LTBP1: variants seen among roughly 807,000 people sequenced by gnomAD.
The protein encoded by LTBP1 is latent transforming growth factor beta binding protein 1.
In LTBP1, 129 loss-of-function variants were observed where a neutral mutation model predicts 207.6. The ratio of observed to expected loss-of-function variants is 0.62; its 90% CI spans 0.54 to 0.72. The LOEUF (loss-of-function observed/expected upper bound fraction) is 0.72. Ranked by LOEUF, LTBP1 falls within the 30% of genes least tolerant of loss-of-function variation. The pLI is 0.00. For missense variants in LTBP1, 2,281 were observed against 2,217.2 expected, an observed-to-expected ratio of 1.03 and a Z score of -0.58; for synonymous variants, 963 against 833.7, an observed-to-expected ratio of 1.16 and a Z score of -2.67.
chr2:33,122,956 C>T (rs1441193574), intron 4 of LTBP1, among the ~76,000 whole-genome samples: 1 of 152,218 alleles, frequency 6.6e-6, no homozygotes, highest in Non-Finnish European at 1.5e-5. Flanking sequence ...TCTATTTCTA[C>T]TCTGCTCTCT....
intron 5 of LTBP1, among the ~76,000 whole-genome samples, chr2:33,144,568 A>T (rs1481835059): frequency 6.6e-6 from 1 of 152,184 alleles, no homozygotes; most frequent in Non-Finnish European, 1.5e-5. Context: ...ATCTCCAGTG[A>T]TGTATGATTA....
intron 2 of LTBP1, among the ~76,000 whole-genome samples, chr2:32,980,682 C>G (rs1424133863): frequency 6.6e-6 from 1 of 152,050 alleles, no homozygotes; most frequent in Non-Finnish European, 1.5e-5. Context: ...AGTTTTGTAC[C>G]TTCAGATGAT....
At chr2:33,112,917 T>C (rs1286531384) in intron 4 of LTBP1, among the ~76,000 whole-genome samples, 5 of 152,222 alleles carry the variant, frequency 3.3e-5, no homozygotes, top group African/African-American at 1.2e-4. Context: ...TTCATTTTTA[T>C]ATTTACAGAA....
At chr2:33,156,725 ATAT>A (rs1312249649) in intron 5 of LTBP1, among the ~76,000 whole-genome samples, 2 of 152,120 alleles carry the variant, frequency 1.3e-5, no homozygotes, top group African/African-American at 2.4e-5. Flanking sequence ...ATATTTTAAC[ATAT>A]TATAAAATAG....
At chr2:33,277,813 T>TTTCTTTCTC (rs2093472726) in intron 18 of LTBP1, among the ~76,000 whole-genome samples, 7 of 71,780 alleles carry the variant, frequency 9.8e-5, no homozygotes, top group South Asian at 4.1e-4. Flanking sequence ...CTCTTTCTTT[T>TTTCTTTCTC]TTTCTTTCTT....
At chr2:33,226,179 G>T (rs930100956) in intron 9 of LTBP1, among the ~76,000 whole-genome samples, 1 of 152,130 alleles carries the variant, frequency 6.6e-6, no homozygotes, top group Non-Finnish European at 1.5e-5. Context: ...TGCCTGCTAC[G>T]ATTATGGAAT....
intron 2 of LTBP1, among the ~76,000 whole-genome samples, chr2:33,010,815 G>A (rs1687579993): frequency 6.6e-6 from 1 of 151,206 alleles, no homozygotes; most frequent in Non-Finnish European, 1.5e-5. Flanking sequence ...TGCCTCCTGG[G>A]TTCAAGTGAT....
chr2:33,135,932 T>C (rs2082110015), intron 5 of LTBP1, among the ~76,000 whole-genome samples: 1 of 152,206 alleles, frequency 6.6e-6, no homozygotes, highest in Non-Finnish European at 1.5e-5. Context: ...GGTCTTTTTA[T>C]GGAATATTGC....
At chr2:33,198,061 A>C (rs2149022283) in intron 7 of LTBP1, among the ~76,000 whole-genome samples, 1 of 152,344 alleles carries the variant, frequency 6.6e-6, no homozygotes, top group South Asian at 2.1e-4. Flanking sequence ...ATCAAATAAC[A>C]CATGAACCCA....
chr2:33,377,513 C>T (rs2095155571), intron 31 of LTBP1, among the ~76,000 whole-genome samples: 3 of 152,096 alleles, frequency 2.0e-5, no homozygotes, highest in African/African-American at 7.2e-5. Flanking sequence ...CATGGAAGTG[C>T]TAGGGAAAGT....
In LTBP1 at chr2:32,983,139, G is replaced by T. The variant is rs1683023509; in HGVS notation, c.565+34194G>T. Among the ~76,000 whole-genome samples, 3 of 152,148 alleles carry T rather than the reference G, an allele frequency of 2.0e-5. No homozygotes were observed. In the South Asian group the frequency reaches 6.2e-4, roughly 31 times the overall value. Reference sequence around the variant, plus strand: ...GGGGTGGAGCTGCCCATGGCTGTGGGAGCCCATCTCTTGTATCAGTGTGAC... The same window carrying T: ...GGGGTGGAGCTGCCCATGGCTGTGGTAGCCCATCTCTTGTATCAGTGTGAC... On this transcript the variant is annotated intron_variant, in intron 2 of 33. Coordinates refer to ENST00000404816, the MANE Select transcript of LTBP1 (RefSeq NM_206943.4).
At chr2:33,152,706 C>T (rs1032189051) in intron 5 of LTBP1, among the ~76,000 whole-genome samples, 1 of 152,276 alleles carries the variant, frequency 6.6e-6, no homozygotes, top group South Asian at 2.1e-4. Context: ...ATGATGCTGG[C>T]CTCTTCGTGA....
Position 33,399,396 on chromosome 2 carries a change from G to A in LTBP1, c.*851G>A, listed in dbSNP as rs2095386283. 6.6e-6 allele frequency: 1 copy of A among 152,192 alleles called. No homozygotes were observed. The highest frequency in any genetic ancestry group is 2.1e-4 in the South Asian group (1 of 4,828). The allele number at this position is 152,192 out of a possible 1,614,324, so 9.4% of individuals were successfully genotyped here. ...TGAGAGTAATTGTCAATGAGTACAT[G>A]TGTATAAGTTGTATCCCACTCTCCC... On this transcript the variant is annotated 3_prime_UTR_variant, in exon 34 of 34. Coordinates refer to ENST00000404816, the MANE Select transcript of LTBP1 (RefSeq NM_206943.4).
chr2:33,156,742 A>T, intron 5 of LTBP1, among the ~76,000 whole-genome samples: 1 of 152,202 alleles, frequency 6.6e-6, no homozygotes, highest in East Asian at 1.9e-4. Context: ...AAAATAGAAG[A>T]CATTGGTATT....
chr2:32,980,632 TAC>T (rs1682618908), intron 2 of LTBP1, among the ~76,000 whole-genome samples: 1 of 152,166 alleles, frequency 6.6e-6, no homozygotes, highest in African/African-American at 2.4e-5. Flanking sequence ...ATACCACAAT[TAC>T]AGTGTTATAA....
chr2:32,982,758 A>G (rs1341591520), intron 2 of LTBP1, among the ~76,000 whole-genome samples: 1 of 152,204 alleles, frequency 6.6e-6, no homozygotes, highest in Non-Finnish European at 1.5e-5. Context: ...CTTCCACATG[A>G]TGTTGAGCCT....
At chr2:33,274,554 A>G (rs955141965) in intron 16 of LTBP1, among the ~76,000 whole-genome samples, 1 of 152,190 alleles carries the variant, frequency 6.6e-6, no homozygotes, top group Non-Finnish European at 1.5e-5. Flanking sequence ...AACCTAGAAT[A>G]TTAAGTTAGA....
intron 3 of LTBP1, among the ~76,000 whole-genome samples, chr2:33,032,191 T>A (rs1467779404): frequency 6.6e-6 from 1 of 152,214 alleles, no homozygotes; most frequent in Non-Finnish European, 1.5e-5. Flanking sequence ...AAGTAGGGGA[T>A]ATCATTGAAG....
At chr2:32,968,354 A>G (rs1219330949) in intron 2 of LTBP1, among the ~76,000 whole-genome samples, 1 of 152,162 alleles carries the variant, frequency 6.6e-6, no homozygotes, top group African/African-American at 2.4e-5. Flanking sequence ...GAGAATTGAC[A>G]CTTTTATTAT....
Sources: allele counts gnomAD v4.1 joint callset (sites outside exome capture counted in the v4.1 genomes callset), GRCh38; gene constraint gnomAD v4.1.1; transcripts MANE v1.5; gene names NCBI Gene and HGNC (gene_info 2026-07-23, HGNC 2026-07-21).